Variants in UNC13B observed in about 807,000 individuals in gnomAD.
The protein encoded by UNC13B is protein unc-13 homolog B.
In UNC13B, 144 loss-of-function variants were observed where a neutral mutation model predicts 211.0. The observed-to-expected ratio is 0.68, with a 90% CI of 0.60 to 0.78. UNC13B has a LOEUF of 0.78. Among genes scored for constraint, UNC13B ranks in the 30% least tolerant of loss-of-function variants. The pLI is 0.00. For synonymous variants in UNC13B, 709 were observed against 725.8 expected (o/e 0.98, Z 0.37); for missense variants, 1,777 against 2,002.0 (o/e 0.89, Z 2.14).
At chr9:35,403,302 GC>G (rs905498286) in intron 38 of UNC13B, 43 bp downstream of exon 38, 21 of 1,608,188 alleles carry the variant, frequency 1.3e-5, no homozygotes, top group Non-Finnish European at 1.8e-5. Context: ...TTGCCCAGTG[GC>G]CTCACTCATC....
At chr9:35,396,161 G>A (rs1490005513) in intron 26 of UNC13B, among the ~76,000 whole-genome samples, 2 of 152,128 alleles carry the variant, frequency 1.3e-5, no homozygotes, top group Admixed American at 1.3e-4. Context: ...CAGCACCCAT[G>A]GCCCTTTCTC....
At position 35,380,484 on chromosome 9, in the gene UNC13B, C is replaced by T. The variant is rs867537099; in HGVS notation, c.10220C>T (p.Ser3407Phe). The change falls in exon 18 of 40, where the codon TCC becomes TTC. Residue 3407 changes from serine (S) to phenylalanine (F), a missense_variant. Transcript: ENST00000635942. ...TTCTCTCACAGTGAGTGCCACAACTCCTCTGACCGCATTAAGGTGCGTGTA... is the reference window on the plus strand; with the variant it reads ...TTCTCTCACAGTGAGTGCCACAACTTCTCTGACCGCATTAAGGTGCGTGTA... Reference protein sequence around the residue: ...EEKFHFECHNSSDRIKVRVWD... With the variant: ...EEKFHFECHNFSDRIKVRVWD... 7 of 1,614,122 alleles carry T rather than the reference C, an allele frequency of 4.3e-6. No individual in the cohort carries two copies. The highest frequency in any genetic ancestry group is 5.1e-6 in the Non-Finnish European group (6 of 1,180,004).
At chr9:35,289,054 T>G (rs1828949877) in intron 7 of UNC13B, among the ~76,000 whole-genome samples, 1 of 152,066 alleles carries the variant, frequency 6.6e-6, no homozygotes, top group Non-Finnish European at 1.5e-5. Context: ...TGAAATAAAT[T>G]ATTACAATTT....
At chr9:35,242,999 G>A (rs1825891244) in intron 5 of UNC13B, among the ~76,000 whole-genome samples, 1 of 152,098 alleles carries the variant, frequency 6.6e-6, no homozygotes, top group Admixed American at 6.6e-5. Flanking sequence ...TACAAACCAT[G>A]GTTTGAATCA....
In UNC13B at chr9:35,280,818, T is replaced by A. The variant is rs988117103; in HGVS notation, c.527-14878T>A. ...AATTGCAGTCATTACATCAACTTATTATAATTTATGTTCAGTTACAATTAT... is the reference window on the plus strand; with the variant it reads ...AATTGCAGTCATTACATCAACTTATAATAATTTATGTTCAGTTACAATTAT... On this transcript the variant is annotated intron_variant, in intron 7 of 39. Coordinates refer to ENST00000635942, the MANE Select transcript of UNC13B (RefSeq NM_001371189.2). Among the ~76,000 whole-genome samples, 5 of 152,336 alleles carry A rather than the reference T, an allele frequency of 3.3e-5. No individual in the cohort carries two copies. The East Asian group carries it at 9.6e-4, about 29-fold the overall frequency.
chr9:35,223,868 T>C (rs539536407), intron 1 of UNC13B, among the ~76,000 whole-genome samples: 1 of 152,328 alleles, frequency 6.6e-6, no homozygotes, highest in South Asian at 2.1e-4. Flanking sequence ...TTCTGTAATA[T>C]GGATATTCAG....
chr9:35,242,228 A>G (rs372578828), intron 5 of UNC13B, among the ~76,000 whole-genome samples: 1 of 152,208 alleles, frequency 6.6e-6, no homozygotes, highest in African/African-American at 2.4e-5. Context: ...TTGAGCATCT[A>G]ATATTTTCCA....
At chr9:35,233,798 G>A (rs540697592) in intron 3 of UNC13B, among the ~76,000 whole-genome samples, 3 of 152,196 alleles carry the variant, frequency 2.0e-5, no homozygotes, top group South Asian at 2.1e-4. Context: ...TGCTATACAC[G>A]TGTTTATGTA....
At chr9:35,332,524 T>C (rs1011688895) in intron 11 of UNC13B, among the ~76,000 whole-genome samples, 1 of 152,196 alleles carries the variant, frequency 6.6e-6, no homozygotes. Context: ...CTTGCTCTTC[T>C]TTTCTTTGTG....
At chr9:35,238,553 CTT>C (rs34593751) in intron 5 of UNC13B, among the ~76,000 whole-genome samples, 2 of 142,954 alleles carry the variant, frequency 1.4e-5, no homozygotes, top group African/African-American at 2.5e-5. Context: ...CATAATTTAT[CTT>C]TTTTTTTTTT....
At chr9:35,289,282 C>T (rs1393937879) in intron 7 of UNC13B, among the ~76,000 whole-genome samples, 1 of 152,166 alleles carries the variant, frequency 6.6e-6, no homozygotes, top group African/African-American at 2.4e-5. Flanking sequence ...CCTAGAATTT[C>T]GAGTCTTACT....
intron 1 of UNC13B, among the ~76,000 whole-genome samples, chr9:35,170,408 T>G (rs1821270779): frequency 6.6e-6 from 1 of 152,190 alleles, no homozygotes; most frequent in East Asian, 1.9e-4. Context: ...TCAAGTGATC[T>G]GCCCACTGCG....
intron 1 of UNC13B, among the ~76,000 whole-genome samples, chr9:35,202,955 G>A (rs1823403255): frequency 6.6e-6 from 1 of 151,982 alleles, no homozygotes. Flanking sequence ...AACGTGCCCG[G>A]CTAATTTTTT....
intron 11 of UNC13B, among the ~76,000 whole-genome samples, chr9:35,325,426 A>G (rs1830951953): frequency 6.6e-6 from 1 of 152,132 alleles, no homozygotes; most frequent in African/African-American, 2.4e-5. Context: ...GCTTGCCTCC[A>G]CTTCCTTTTA....
intron 6 of UNC13B, among the ~76,000 whole-genome samples, chr9:35,254,067 G>C (rs77398009): frequency 6.6e-6 from 1 of 151,984 alleles, no homozygotes; most frequent in Non-Finnish European, 1.5e-5. Flanking sequence ...CAGTTATTAC[G>C]CATCAGGTAC....
chr9:35,387,231 C>T (rs892050881), intron 24 of UNC13B, among the ~76,000 whole-genome samples: 1 of 152,198 alleles, frequency 6.6e-6, no homozygotes, highest in Non-Finnish European at 1.5e-5. Context: ...AAACAAGGAA[C>T]ATTTGAGATA....
At chr9:35,361,306 C>G (rs1833396738) in intron 11 of UNC13B, 1 of 152,112 alleles carries the variant, frequency 6.6e-6, no homozygotes, top group African/African-American at 2.4e-5. Context: ...TGGAAAAATC[C>G]TAAGGCATTT....
chr9:35,353,784 G>A (rs1038963551), intron 11 of UNC13B: 63 of 1,231,838 alleles, frequency 5.1e-5, no homozygotes, highest in Non-Finnish European at 5.8e-5. Flanking sequence ...AAGGCAAACC[G>A]TCTCTCAGTA....
At position 35,364,472 on chromosome 9, in the gene UNC13B, T is replaced by C. The variant is rs557848453; in HGVS notation, c.9415-2475T>C. On this transcript the variant is annotated intron_variant, in intron 11 of 39. Transcript: ENST00000635942. ...CCCTTGGAGTTTAGCTGGCATTTTC[T>C]TTGGGTTCCCTACTTATAGGACTGA... The C allele has an allele frequency of 4.5e-4, 680 of 1,501,922 alleles. 4 individuals are homozygous for C. The African/African-American group carries it at 8.4e-3, about 18-fold the overall frequency. The allele number at this position is 1,501,922 out of a possible 1,614,324, so 93.0% of individuals were successfully genotyped here.
Sources: gnomAD v4.1 joint callset for allele counts (sites outside exome capture counted in the v4.1 genomes callset) on GRCh38, gnomAD v4.1.1 for gene constraint, MANE v1.5 for transcripts, NCBI Gene and HGNC (gene_info 2026-07-23, HGNC 2026-07-21) for gene names.